The following PARD3 variants were observed in gnomAD, a reference collection of about 807,000 sequenced individuals.
PARD3 encodes par-3 family cell polarity regulator.
Under a neutral mutation model 155.4 loss-of-function variants are expected in PARD3, and 75 were observed. The observed-to-expected ratio is 0.48, with a 90% CI of 0.40 to 0.58. The LOEUF is 0.58. PARD3 is among the 20% of genes least tolerant of loss of function. The probability of loss-of-function intolerance (pLI) is 0.00; values close to 1 mark genes in which losing one functional copy is unlikely to be tolerated. For synonymous variants in PARD3, 576 were observed against 610.5 expected, an observed-to-expected ratio of 0.94 and a Z score of 0.83; for missense variants, 1,642 against 1,721.7, an observed-to-expected ratio of 0.95 and a Z score of 0.82.
chr10:34,353,055 G>GC (rs1446984291), intron 14 of PARD3, among the ~76,000 whole-genome samples: 5 of 151,426 alleles, frequency 3.3e-5, no homozygotes, highest in African/African-American at 1.2e-4. Context: ...GAAGTGAGGA[G>GC]CCCCTCCGCC....
At chr10:34,517,248 G>T in intron 2 of PARD3, 89 bp from the exon 3 acceptor site, 2 of 1,146,360 alleles carry the variant, frequency 1.7e-6, no homozygotes, top group Non-Finnish European at 2.5e-6. Context: ...ATTCTACAGT[G>T]CAAAAATACT....
chr10:34,389,239 TAAA>T (rs57615675), intron 7 of PARD3, among the ~76,000 whole-genome samples: 17 of 65,852 alleles, frequency 2.6e-4, no homozygotes, highest in African/African-American at 8.0e-4. Context: ...CAATGTTTCT[TAAA>T]AAAAAAAAAA....
rs116620268 is a variant in PARD3, at chr10:34,364,220, G to A, written c.1708-3961C>T. Among the ~76,000 whole-genome samples, 673 of 152,210 alleles carry A rather than the reference G, an allele frequency of 4.4e-3. 4 individuals are homozygous for A. Among genetic ancestry groups the A allele is most frequent in the African/African-American group, 0.015 (635 of 41,520 alleles). The stretch of plus-strand genomic sequence containing the variant: ...GGGTAATCTCTGAGCCGCAACAAAC[G>A]AAAATTTGGATGAGAATGTACAAAA... On this transcript the variant is annotated intron_variant, in intron 12 of 24. Transcript: ENST00000374788.
At chr10:34,637,140 A>G (rs558605546) in intron 2 of PARD3, among the ~76,000 whole-genome samples, 13 of 152,368 alleles carry the variant, frequency 8.5e-5, no homozygotes, top group South Asian at 4.1e-4. Flanking sequence ...CCAGAAATCA[A>G]TAAGTAAAAT....
intron 1 of PARD3, among the ~76,000 whole-genome samples, chr10:34,723,050 A>T (rs2094633609): frequency 6.6e-6 from 1 of 152,126 alleles, no homozygotes; most frequent in Non-Finnish European, 1.5e-5. Context: ...TTTTTACAAA[A>T]ATATATATAT....
intron 2 of PARD3, among the ~76,000 whole-genome samples, chr10:34,657,408 T>C (rs1423709951): frequency 1.3e-5 from 2 of 152,222 alleles, no homozygotes; most frequent in African/African-American, 2.4e-5. Flanking sequence ...AAAAGTCTAC[T>C]TCGATCTATT....
chr10:34,453,721 A>T (rs2077181763), intron 4 of PARD3, among the ~76,000 whole-genome samples: 1 of 152,318 alleles, frequency 6.6e-6, no homozygotes, highest in South Asian at 2.1e-4. Context: ...ACAGCATATG[A>T]TGTCTGTGGC....
chr10:34,193,574 T>C (rs1398878227), intron 22 of PARD3, among the ~76,000 whole-genome samples: 1 of 152,230 alleles, frequency 6.6e-6, no homozygotes, highest in African/African-American at 2.4e-5. Context: ...GCAAAGTGCA[T>C]CTTCTCATAC....
chr10:34,703,045 C>T (rs1424059505), intron 1 of PARD3, among the ~76,000 whole-genome samples: 3 of 151,948 alleles, frequency 2.0e-5, no homozygotes, highest in South Asian at 2.1e-4. Context: ...AAGAAAGAAA[C>T]GTGGTGAGAG....
At chr10:34,400,337 A>G (rs1843748948) in intron 6 of PARD3, among the ~76,000 whole-genome samples, 1 of 152,194 alleles carries the variant, frequency 6.6e-6, no homozygotes, top group South Asian at 2.1e-4. Flanking sequence ...ATAACGTTAC[A>G]TAATGTATGG....
In PARD3 at chr10:34,569,486, C is replaced by T. The variant is rs554911717; in HGVS notation, c.223-52327G>A. On this transcript the variant is annotated intron_variant, in intron 2 of 24. Coordinates refer to ENST00000374788, the MANE Select transcript of PARD3 (RefSeq NM_001184785.2). ...AGGCTAGAGTGCAGTGGCATGATCT[C>T]GGCTCACTGCAAGCTCTGCCTCCCG... is the stretch of plus-strand genomic sequence containing the variant. 4.6e-5 allele frequency among the ~76,000 whole-genome samples: 7 copies of T among 152,204 alleles called. No individual in the cohort carries two copies. The South Asian group carries it at 1.5e-3, about 32-fold the overall frequency.
intron 22 of PARD3, among the ~76,000 whole-genome samples, chr10:34,153,405 G>A (rs1174640271): frequency 6.6e-6 from 1 of 152,140 alleles, no homozygotes; most frequent in African/African-American, 2.4e-5. Flanking sequence ...ACACACACAC[G>A]TATAATAAAC....
At chr10:34,252,026 A>G (rs1417351066) in intron 22 of PARD3, among the ~76,000 whole-genome samples, 1 of 152,222 alleles carries the variant, frequency 6.6e-6, no homozygotes, top group Admixed American at 6.5e-5. Context: ...GAGACGGATG[A>G]TAACATTTTT....
rs1478707191 is a variant in PARD3, at chr10:34,360,068, C to T, written c.1896+3G>A. The T allele has an allele frequency of 1.9e-6, 3 of 1,609,962 alleles. No individual in the cohort carries two copies. The highest frequency in any genetic ancestry group is 2.2e-5 in the East Asian group (1 of 44,868). ...GCATACGCATGATAAAGTTGACACT[C>T]ACTTTAGATGCTGCTCCTCCATTAA... On this transcript the variant is annotated splice_donor_region_variant and intron_variant, in intron 13 of 24. Coordinates refer to ENST00000374788, the MANE Select transcript of PARD3 (RefSeq NM_001184785.2).
chr10:34,304,134 G>C (rs1255499100), intron 20 of PARD3, among the ~76,000 whole-genome samples: 1 of 152,138 alleles, frequency 6.6e-6, no homozygotes, highest in Non-Finnish European at 1.5e-5. Flanking sequence ...AGACAGGTCT[G>C]AGAGTCTGTG....
intron 6 of PARD3, among the ~76,000 whole-genome samples, chr10:34,401,538 G>A (rs1222703952): frequency 6.6e-6 from 1 of 152,084 alleles, no homozygotes; most frequent in Non-Finnish European, 1.5e-5. Context: ...TTACAGTGTT[G>A]TTAACATGAC....
intron 2 of PARD3, among the ~76,000 whole-genome samples, chr10:34,638,374 G>A (rs140432388): frequency 2.0e-5 from 3 of 152,138 alleles, no homozygotes; most frequent in South Asian, 2.1e-4. Flanking sequence ...ATCCAGCCAT[G>A]TGTCAGTAAC....
chr10:34,805,542 C>CAT (rs58820083), intron 1 of PARD3, among the ~76,000 whole-genome samples: 10,944 of 140,620 alleles, frequency 0.078, 431 homozygotes, highest in Non-Finnish European at 0.098. Context: ...CACGTATGTG[C>CAT]ATATATATAT....
At chr10:34,508,382 G>A (rs192522596) in intron 3 of PARD3, among the ~76,000 whole-genome samples, 1 of 152,102 alleles carries the variant, frequency 6.6e-6, no homozygotes, top group Admixed American at 6.5e-5. Flanking sequence ...ACCATTCCTC[G>A]GGCTTACATC....
Sources: allele counts gnomAD v4.1 joint callset (sites outside exome capture counted in the v4.1 genomes callset), GRCh38; gene constraint gnomAD v4.1.1; transcripts MANE v1.5; gene names NCBI Gene and HGNC (gene_info 2026-07-23, HGNC 2026-07-21).